Variants in NFIA observed in about 807,000 individuals in gnomAD.
The protein encoded by NFIA is nuclear factor 1 A-type.
A neutral mutation model predicts 62.8 loss-of-function variants in NFIA; 8 were observed. The observed-to-expected ratio is 0.13, with a 90% CI of 0.07 to 0.23. NFIA has a LOEUF of 0.23. Ranked by LOEUF, NFIA falls within the 10% of genes least tolerant of loss-of-function variation. The probability of loss-of-function intolerance (pLI) is 1.00; values close to 1 mark genes in which losing one functional copy is unlikely to be tolerated. For missense variants in NFIA, 410 were observed against 642.1 expected (o/e 0.64, Z 3.91); for synonymous variants, 235 against 238.1 (o/e 0.99, Z 0.12).
At chr1:61,321,312 C>A (rs942444584) in intron 3 of NFIA, among the ~76,000 whole-genome samples, 1 of 151,768 alleles carries the variant, frequency 6.6e-6, no homozygotes, top group Non-Finnish European at 1.5e-5. Flanking sequence ...CAGTTGAGTC[C>A]GCTTGCAAAA....
chr1:61,159,775 G>A (rs888252999), intron 2 of NFIA, among the ~76,000 whole-genome samples: 9 of 147,122 alleles, frequency 6.1e-5, no homozygotes, highest in Non-Finnish European at 7.4e-5. Flanking sequence ...TCTGCCTCCC[G>A]GGCTCAAGCA....
chr1:61,361,968 G>A (rs1302688184), intron 6 of NFIA, among the ~76,000 whole-genome samples: 2 of 152,026 alleles, frequency 1.3e-5, no homozygotes, highest in African/African-American at 2.4e-5. Context: ...GTGGATAAAC[G>A]TACATTTGGC....
intron 2 of NFIA, among the ~76,000 whole-genome samples, chr1:61,124,153 G>A (rs1295657938): frequency 1.3e-5 from 2 of 152,162 alleles, no homozygotes; most frequent in African/African-American, 4.8e-5. Context: ...GGTGTAGTGA[G>A]TTCTTGTTCT....
chr1:61,322,632 A>G (rs1660735575), intron 3 of NFIA, among the ~76,000 whole-genome samples: 1 of 149,192 alleles, frequency 6.7e-6, no homozygotes, highest in Non-Finnish European at 1.5e-5. Flanking sequence ...GCAGTCTGGA[A>G]AGTGTGCTTT....
chr1:61,394,318 T>C (rs59447436), intron 7 of NFIA, among the ~76,000 whole-genome samples: 4,183 of 152,172 alleles, frequency 0.027, 191 homozygotes, highest in African/African-American at 0.096. Context: ...GGACTACAGG[T>C]ACACGCCACC....
intron 2 of NFIA, among the ~76,000 whole-genome samples, chr1:61,178,926 C>A (rs938937355): frequency 6.6e-6 from 1 of 152,172 alleles, no homozygotes; most frequent in African/African-American, 2.4e-5. Flanking sequence ...GATTGGGCTC[C>A]CTGCCTGTGG....
intron 7 of NFIA, chr1:61,385,939 C>T (rs971237390): frequency 4.6e-5 from 7 of 152,176 alleles, no homozygotes; most frequent in African/African-American, 1.2e-4. Context: ...CCGTTCTTAC[C>T]GTGTCCCACC....
chr1:61,143,564 A>G (rs1647699702), intron 2 of NFIA, among the ~76,000 whole-genome samples: 2 of 151,778 alleles, frequency 1.3e-5, no homozygotes, highest in Non-Finnish European at 2.9e-5. Context: ...TAATTTTTGT[A>G]TTTTTTTGTA....
intron 8 of NFIA, among the ~76,000 whole-genome samples, chr1:61,404,886 A>G (rs759080196): frequency 1.3e-5 from 2 of 152,240 alleles, no homozygotes; most frequent in African/African-American, 2.4e-5. Context: ...ATTTTTCCTC[A>G]AATAAACCAA....
At chr1:61,247,591 G>T (rs1366620316) in intron 2 of NFIA, among the ~76,000 whole-genome samples, 1 of 152,138 alleles carries the variant, frequency 6.6e-6, no homozygotes, top group African/African-American at 2.4e-5. Context: ...CACACTTAAT[G>T]GGTGGGGGAA....
intron 7 of NFIA, among the ~76,000 whole-genome samples, chr1:61,397,286 T>G (rs998772450): frequency 6.6e-6 from 1 of 152,212 alleles, no homozygotes; most frequent in African/African-American, 2.4e-5. Context: ...AGGTCAAGAT[T>G]GTTGCTACTG....
chr1:61,352,796 A>C (rs1297247215), intron 5 of NFIA, among the ~76,000 whole-genome samples: 4 of 150,236 alleles, frequency 2.7e-5, no homozygotes, highest in African/African-American at 1.0e-4. Context: ...CACACACACT[A>C]AAAAACTGTG....
chr1:61,390,403 T>TTAAGA (rs765346668), intron 7 of NFIA, among the ~76,000 whole-genome samples: 4 of 152,110 alleles, frequency 2.6e-5, no homozygotes, highest in Non-Finnish European at 5.9e-5. Context: ...TAAGATACAC[T>TTAAGA]AAAGCAATCA....
chr1:61,382,243 G>C (rs950525328), intron 6 of NFIA, among the ~76,000 whole-genome samples: 1 of 152,096 alleles, frequency 6.6e-6, no homozygotes, highest in African/African-American at 2.4e-5. Context: ...GTATGTCAGC[G>C]TGGTTGCCGA....
intron 8 of NFIA, among the ~76,000 whole-genome samples, chr1:61,405,615 C>A (rs1196417107): frequency 6.6e-6 from 1 of 152,146 alleles, no homozygotes; most frequent in African/African-American, 2.4e-5. Flanking sequence ...AAAAACTGAG[C>A]TGATCACCAG....
At chr1:61,325,913 A>G (rs1660908647) in intron 3 of NFIA, among the ~76,000 whole-genome samples, 1 of 140,916 alleles carries the variant, frequency 7.1e-6, no homozygotes, top group Non-Finnish European at 1.5e-5. Context: ...AGCCTGGGAG[A>G]CAGAGCTAGA....
intron 2 of NFIA, among the ~76,000 whole-genome samples, chr1:61,120,022 T>C (rs920404887): frequency 3.9e-5 from 6 of 152,238 alleles, no homozygotes; most frequent in Non-Finnish European, 8.8e-5. Context: ...ATCTGATCTA[T>C]ATGGGTAACA....
At chr1:61,107,947 CATTT>C (rs1646632283) in intron 2 of NFIA, among the ~76,000 whole-genome samples, 1 of 151,512 alleles carries the variant, frequency 6.6e-6, no homozygotes, top group South Asian at 2.1e-4. Flanking sequence ...ATACCTCTGT[CATTT>C]ATTTTTTATA....
At chr1:61,090,323 G>A (rs927912014) in intron 2 of NFIA, among the ~76,000 whole-genome samples, 9 of 152,042 alleles carry the variant, frequency 5.9e-5, no homozygotes, top group East Asian at 1.9e-4. Flanking sequence ...AAATTATCCC[G>A]AATAGATGAC....
Sources: gnomAD v4.1 joint callset for allele counts (sites outside exome capture counted in the v4.1 genomes callset) on GRCh38, gnomAD v4.1.1 for gene constraint, MANE v1.5 for transcripts, NCBI Gene and HGNC (gene_info 2026-07-23, HGNC 2026-07-21) for gene names.